PKHD1L1: variants seen among roughly 807,000 people sequenced by gnomAD.
The protein encoded by PKHD1L1 is PKHD1 like 1, also known as fibrocystin-L.
A neutral mutation model predicts 462.9 loss-of-function variants in PKHD1L1; 434 were observed. The ratio of observed to expected loss-of-function variants is 0.94; its 90% CI spans 0.87 to 1.02. The LOEUF (loss-of-function observed/expected upper bound fraction) is 1.02. Among genes scored for constraint, PKHD1L1 ranks in the 50% least tolerant of loss-of-function variants. PKHD1L1 has a pLI of 0.00. For missense variants in PKHD1L1, 5,202 were observed against 5,096.1 expected (o/e 1.02, Z -0.63); for synonymous variants, 1,781 against 1,750.0 (o/e 1.02, Z -0.44).
intron 18 of PKHD1L1, 115 bp from the exon 19 acceptor site, chr8:109,409,750 A>G: frequency 2.0e-6 from 1 of 509,106 alleles, no homozygotes. Flanking sequence ...CATGACTAAA[A>G]TATGGGAATT....
chr8:109,527,401 G>A (rs1563642927), intron 77 of PKHD1L1, among the ~76,000 whole-genome samples: 1 of 152,168 alleles, frequency 6.6e-6, no homozygotes, highest in Non-Finnish European at 1.5e-5. Context: ...CTACTCAGGT[G>A]GCTGAGGCAG....
Position 109,481,452 on chromosome 8 carries a change from G to C in PKHD1L1, c.9347G>C (p.Gly3116Ala). ...ISLQGGRLIG[G>A]WEDNPFKGDL... ...TTTCAGGGAGGTAGATTAATCGGTG[G>C]CTGGGAAGATAACCCTTTTAAAGGA... is the stretch of plus-strand genomic sequence containing the variant. Residue 3116 changes from glycine to alanine, a missense_variant, in exon 56 of 78, where the codon GGC becomes GCC. Physicochemically the swap from Gly to Ala is moderately conservative, Grantham distance 60. This residue lies in a region of PKHD1L1 where 4,497 missense variants were observed against 4,336.8 expected (regional missense o/e 1.04). Transcript: ENST00000378402. 1 of 1,598,288 alleles carries C rather than the reference G, an allele frequency of 6.3e-7. No individual in the cohort carries two copies. The highest frequency in any genetic ancestry group is 8.5e-7 in the Non-Finnish European group (1 of 1,171,608).
chr8:109,453,310 A>G (rs986772933), intron 43 of PKHD1L1, among the ~76,000 whole-genome samples: 2 of 152,204 alleles, frequency 1.3e-5, no homozygotes, highest in Non-Finnish European at 2.9e-5. Context: ...TCTATCCTAA[A>G]TGATCCCCTT....
At chr8:109,491,818 C>A in intron 61 of PKHD1L1, 55 bp from the exon 62 acceptor site, 2 of 1,466,510 alleles carry the variant, frequency 1.4e-6, no homozygotes, top group Non-Finnish European at 1.9e-6. Flanking sequence ...ATAGTCGTTG[C>A]AAATTGACTT....
rs920937608 is a variant in PKHD1L1, at chr8:109,445,588, C to A, written c.5719C>A (p.Leu1907Ile). ...TAATACAATTGCTTATCCACCTTTGCTTTTTACATATGCCCTGGAGGATAC... is the reference window on the plus strand; with the variant it reads ...TAATACAATTGCTTATCCACCTTTGATTTTTACATATGCCCTGGAGGATAC... ...FVNTIAYPPL[L>I]FTYALEDTPF... The change falls in exon 38 of 78, where the codon CTT becomes ATT. Residue 1907 changes from leucine to isoleucine, a missense_variant. Physicochemically the swap from Leu to Ile is conservative, Grantham distance 5. Transcript: ENST00000378402. 6 of 1,610,962 alleles carry A rather than the reference C, an allele frequency of 3.7e-6. No homozygotes were observed. Among genetic ancestry groups the A allele is most frequent in the Non-Finnish European group, 5.1e-6 (6 of 1,178,186 alleles).
At chr8:109,375,400 G>A (rs533712540) in intron 2 of PKHD1L1, among the ~76,000 whole-genome samples, 19 of 152,102 alleles carry the variant, frequency 1.2e-4, no homozygotes, top group African/African-American at 3.6e-4. Flanking sequence ...TTAGCCATTC[G>A]TCTAATTTTT....
intron 76 of PKHD1L1, among the ~76,000 whole-genome samples, chr8:109,524,570 A>C (rs1820720243): frequency 6.6e-6 from 1 of 152,220 alleles, no homozygotes; most frequent in Non-Finnish European, 1.5e-5. Context: ...TAAGGTCTTC[A>C]AACTACAATG....
chr8:109,383,165 A>AT (rs1554627883), intron 4 of PKHD1L1, among the ~76,000 whole-genome samples: 4 of 107,056 alleles, frequency 3.7e-5, no homozygotes, highest in African/African-American at 1.5e-4. Context: ...ATTTATATAT[A>AT]ATATATACAA....
At position 109,507,750 on chromosome 8, in the gene PKHD1L1, G is replaced by A. The variant is rs757687823; in HGVS notation, c.11082G>A (p.Gly3694=). ...GAGACATAGATGGCTCCTTTCTGGGGAATGCTGGTTCTGTGATACCTCAAG... is the reference window on the plus strand; with the variant it reads ...GAGACATAGATGGCTCCTTTCTGGGAAATGCTGGTTCTGTGATACCTCAAG... ...FLRDIDGSFL[G]NAGSVIPQAE... Residue 3694 remains glycine, a synonymous_variant, in exon 69 of 78, where the codon GGG becomes GGA. Coordinates refer to ENST00000378402, the MANE Select transcript of PKHD1L1 (RefSeq NM_177531.6). The A allele has an allele frequency of 3.1e-6, 5 of 1,613,464 alleles. No homozygotes were observed. The highest frequency in any genetic ancestry group is 1.1e-5 in the South Asian group (1 of 91,070).
intron 2 of PKHD1L1, among the ~76,000 whole-genome samples, chr8:109,380,464 G>A (rs1209169930): frequency 2.0e-5 from 3 of 152,146 alleles, no homozygotes; most frequent in Non-Finnish European, 4.4e-5. Flanking sequence ...TCTTGACTGA[G>A]TTCTAACACC....
intron 67 of PKHD1L1, among the ~76,000 whole-genome samples, chr8:109,503,311 C>CAA (rs1563617426): frequency 0.017 from 906 of 53,428 alleles, 11 homozygotes; most frequent in African/African-American, 0.066. Flanking sequence ...AAAACAAAAA[C>CAA]AAACAAAAAA....
rs1418227258 is a variant in PKHD1L1, at chr8:109,438,355, C to G, written c.3659C>G (p.Thr1220Ser). 1 of 1,534,756 alleles carries G rather than the reference C, an allele frequency of 6.5e-7. No individual in the cohort carries two copies. Among genetic ancestry groups the G allele is most frequent in the African/African-American group, 1.4e-5 (1 of 72,636 alleles). The change falls in exon 31 of 78, where the codon ACT becomes AGT. Residue 1220 changes from threonine to serine, a missense_variant. By Grantham distance (58) the Thr-to-Ser change is moderately conservative. Around this residue, in one of 3 missense-constraint regions of PKHD1L1, gnomAD observed 4,497 missense variants for 4,336.8 expected, o/e 1.04. Coordinates refer to ENST00000378402, the MANE Select transcript of PKHD1L1 (RefSeq NM_177531.6). Reference sequence around the variant, plus strand: ...GAGGGTACAGTTGATATTTCAGTTACTACCAATGGATTTCAAGCCACAGCA... The same window carrying G: ...GAGGGTACAGTTGATATTTCAGTTAGTACCAATGGATTTCAAGCCACAGCA... ...KTEGTVDISV[T>S]TNGFQATARD...
intron 38 of PKHD1L1, 122 bp from the exon 39 acceptor site, chr8:109,448,015 GTTAATA>G (rs1157803189): frequency 5.0e-6 from 4 of 802,296 alleles, no homozygotes; most frequent in South Asian, 1.9e-5. Context: ...AGCATGTATT[GTTAATA>G]TTTATATTAG....
At chr8:109,439,440 T>G (rs777724801) in intron 32 of PKHD1L1, among the ~76,000 whole-genome samples, 1 of 152,128 alleles carries the variant, frequency 6.6e-6, no homozygotes, top group Non-Finnish European at 1.5e-5. Context: ...CCTGCATTAA[T>G]GGTGCTCACA....
In PKHD1L1 at chr8:109,451,051, G is replaced by C. The variant is rs372969488; in HGVS notation, c.6252G>C (p.Thr2084=). ...TGTCACAGTCCATGACTCCGTTTAC[G>C]TACGCAGTGTCACTGACTCCACTCA... ...KDLSQSMTPF[T]YAVSLTPLIT... is the part of the protein sequence containing the mutation. The change falls in exon 41 of 78, where the codon ACG becomes ACC. Residue 2084 remains threonine (T), a synonymous_variant. Coordinates refer to ENST00000378402, the MANE Select transcript of PKHD1L1 (RefSeq NM_177531.6). 6.2e-7 allele frequency: 1 copy of C among 1,613,798 alleles called. No homozygotes were observed.
intron 2 of PKHD1L1, among the ~76,000 whole-genome samples, chr8:109,373,781 G>A (rs1474371306): frequency 1.3e-5 from 2 of 152,168 alleles, no homozygotes; most frequent in Non-Finnish European, 2.9e-5. Context: ...TCATTCAGGA[G>A]CAGGTTGTTC....
At chr8:109,516,813 T>C (rs1033274412) in intron 72 of PKHD1L1, among the ~76,000 whole-genome samples, 12 of 152,132 alleles carry the variant, frequency 7.9e-5, no homozygotes, top group African/African-American at 2.9e-4. Flanking sequence ...CATTCAGAGT[T>C]AGGAAAATAG....
chr8:109,527,084 AG>A (rs1820855342), intron 77 of PKHD1L1, 64 bp downstream of exon 77: 4 of 1,354,610 alleles, frequency 3.0e-6, no homozygotes, highest in Admixed American at 2.0e-5. Context: ...TACTGGATAA[AG>A]GCTGTGTGCA....
intron 50 of PKHD1L1, among the ~76,000 whole-genome samples, chr8:109,468,780 T>C (rs1817573998): frequency 2.6e-5 from 4 of 152,172 alleles, no homozygotes; most frequent in Admixed American, 2.6e-4. Flanking sequence ...CAGGATCTAA[T>C]AATATGGAAG....
Sources: gnomAD v4.1 joint callset for allele counts (sites outside exome capture counted in the v4.1 genomes callset) on GRCh38, gnomAD v4.1.1 for gene constraint, gnomAD v4.1.1 regional missense constraint, MANE v1.5 for transcripts, NCBI Gene and HGNC (gene_info 2026-07-23, HGNC 2026-07-21) for gene names.